Variants in TUT7 observed in about 807,000 individuals in gnomAD.
TUT7 encodes terminal uridylyl transferase 7, also known as terminal uridylyltransferase 7.
A neutral mutation model predicts 165.9 loss-of-function variants in TUT7; 33 were observed. That is an observed-to-expected ratio of 0.20 (90% CI 0.15 to 0.27). The LOEUF is 0.27. TUT7 is among the 10% of genes least tolerant of loss of function. The probability of loss-of-function intolerance (pLI) is 1.00; values close to 1 mark genes in which losing one functional copy is unlikely to be tolerated. For synonymous variants in TUT7, 552 were observed against 608.1 expected, an observed-to-expected ratio of 0.91 and a Z score of 1.36; for missense variants, 1,338 against 1,762.3, an observed-to-expected ratio of 0.76 and a Z score of 4.31.
In TUT7 at chr9:86,352,978, G is replaced by A; in HGVS notation, c.222C>T (p.Ser74=). ...TTGGGTTTTTAAATGCATATGGATT[G>A]CTGGAAACAGCACATGGTCCTTTTC... ...TPRKGPCAVS[S]NPYAFKNPIY... is the part of the protein sequence containing the mutation. The change falls in exon 2 of 27, where the codon AGC becomes AGT. Residue 74 remains serine, a synonymous_variant. Coordinates refer to ENST00000375963, the MANE Select transcript of TUT7 (RefSeq NM_024617.4). 1 of 1,614,180 alleles carries A rather than the reference G, an allele frequency of 6.2e-7. No homozygotes were observed. The highest frequency in any genetic ancestry group is 8.5e-7 in the Non-Finnish European group (1 of 1,180,034).
Position 86,311,570 on chromosome 9 carries a change from C to T in TUT7, c.3275-761G>A, listed in dbSNP as rs1459921819. 7.4e-6 allele frequency among the ~76,000 whole-genome samples: 1 copy of T among 135,674 alleles called. No homozygotes were observed. The highest frequency in any genetic ancestry group is 1.6e-5 in the Non-Finnish European group (1 of 62,266). 89.0% of individuals were successfully genotyped at this position (135,674 alleles called of 152,430 possible). On this transcript the variant is annotated intron_variant, in intron 17 of 26. Coordinates refer to ENST00000375963, the MANE Select transcript of TUT7 (RefSeq NM_024617.4). The surrounding 1 kb of genome is among the most constrained non-coding windows in gnomAD (Gnocchi z 4.4). Reference sequence around the variant, plus strand: ...TGCTAAGAATTATCCTTAGTCCTCTCCCTCTCCCTCTCCCCTCTTCCCTCT... The same window carrying T: ...TGCTAAGAATTATCCTTAGTCCTCTTCCTCTCCCTCTCCCCTCTTCCCTCT...
Position 86,354,276 on chromosome 9 carries a change from G to A in TUT7, c.-37C>T, listed in dbSNP as rs1296651018. On this transcript the variant is annotated 5_prime_UTR_variant, in exon 1 of 27. Coordinates refer to ENST00000375963, the MANE Select transcript of TUT7 (RefSeq NM_024617.4). ...GGGGGATGGAACCAACGTACCTCCG[G>A]GGCCAGGCCGGACAGCTACTCTGGA... The A allele has an allele frequency of 6.5e-6, 1 of 152,798 alleles. No homozygotes were observed. The highest frequency in any genetic ancestry group is 1.5e-5 in the Non-Finnish European group (1 of 68,176). The allele number at this position is 152,798 out of a possible 1,614,324, so 9.5% of individuals were successfully genotyped here. A position where few individuals can be genotyped will look rare whatever the true frequency, so the allele number is the denominator to read the frequency against.
At chr9:86,335,846 G>T (rs942728837) in intron 10 of TUT7, among the ~76,000 whole-genome samples, 3 of 152,182 alleles carry the variant, frequency 2.0e-5, no homozygotes, top group African/African-American at 7.2e-5. Context: ...TTTCAATCCA[G>T]TGTTTGATCA....
chr9:86,318,283 G>T (rs1428521616), intron 16 of TUT7, among the ~76,000 whole-genome samples: 2 of 152,160 alleles, frequency 1.3e-5, no homozygotes, highest in Non-Finnish European at 2.9e-5. Flanking sequence ...ACGCCATATG[G>T]TCTCTTACAA....
At chr9:86,322,760 A>C in intron 13 of TUT7, 113 bp downstream of exon 13, 1 of 1,263,214 alleles carries the variant, frequency 7.9e-7, no homozygotes, top group Non-Finnish European at 1.1e-6. Context: ...TGAAAGGCCA[A>C]CTTGTTCAAC....
At chr9:86,292,142 C>G (rs1335752302) in intron 26 of TUT7, among the ~76,000 whole-genome samples, 1 of 152,186 alleles carries the variant, frequency 6.6e-6, no homozygotes, top group African/African-American at 2.4e-5. Context: ...CTCCCGGGCT[C>G]AAGCCATCCT....
rs1440841711 is a variant in TUT7, at chr9:86,341,012, T to C, written c.1128A>G (p.Leu376=). The change falls in exon 7 of 27, where the codon TTA becomes TTG. Residue 376 remains leucine, a synonymous_variant. Transcript: ENST00000375963. ...PDVLLLVQEC[L]KNSDSFIDVD... ...GGAATTTGGCCTTACCACTGTTCTT[T>C]AAACATTCTTGAACAAGTAAGAGGA... 6.2e-7 allele frequency: 1 copy of C among 1,611,630 alleles called. No individual in the cohort carries two copies. The highest frequency in any genetic ancestry group is 1.7e-5 in the Admixed American group (1 of 59,956).
In TUT7 at chr9:86,346,286, AT is replaced by A; in HGVS notation, c.702+12del. On this transcript the variant is annotated intron_variant, in intron 3 of 26. Transcript: ENST00000375963. Reference sequence around the variant, plus strand: ...AGGATTCTAACCAACAAATATATATATAAGGATGTTACCCTTTTTAGCCTGT... The same window carrying A: ...AGGATTCTAACCAACAAATATATATAAAGGATGTTACCCTTTTTAGCCTGT... The A allele has an allele frequency of 6.2e-7, 1 of 1,610,324 alleles. No homozygotes were observed. The highest frequency in any genetic ancestry group is 8.5e-7 in the Non-Finnish European group (1 of 1,178,472).
chr9:86,302,206 G>A (rs1050784391), intron 25 of TUT7, among the ~76,000 whole-genome samples: 1 of 151,932 alleles, frequency 6.6e-6, no homozygotes, highest in African/African-American at 2.4e-5. Context: ...CCAAAACAAC[G>A]TATCCCAAGG....
At position 86,318,399 on chromosome 9, in the gene TUT7, G is replaced by T. The variant is rs1421687477; in HGVS notation, c.3216+559C>A. ...TTTATTTACAAAAACAGGCAGTGGG[G>T]GGCTGAATTGCCCAAGGGCCATCGT... On this transcript the variant is annotated intron_variant, in intron 16 of 26. Transcript: ENST00000375963. Among the ~76,000 whole-genome samples the T allele has an allele frequency of 2.0e-5, 3 of 152,140 alleles. No individual in the cohort carries two copies. In the East Asian group the frequency reaches 5.8e-4, roughly 29 times the overall value.
At chr9:86,316,840 T>C (rs1170458984) in intron 17 of TUT7, among the ~76,000 whole-genome samples, 4 of 152,144 alleles carry the variant, frequency 2.6e-5, no homozygotes, top group Non-Finnish European at 4.4e-5. Context: ...TGCATCCCCA[T>C]ATCCAATCAA....
rs184650683 is a variant in TUT7, at chr9:86,291,521, G to A, written c.4421-2777C>T. Among the ~76,000 whole-genome samples, 538 of 147,736 alleles carry A rather than the reference G, an allele frequency of 3.6e-3. 2 individuals carry two copies. The highest frequency in any genetic ancestry group is 0.013 in the African/African-American group (517 of 40,024). On this transcript the variant is annotated intron_variant, in intron 26 of 26. Coordinates refer to ENST00000375963, the MANE Select transcript of TUT7 (RefSeq NM_024617.4). ...CAGGAGGCAGACGTTGTGGTGAGCC[G>A]AGATTGTGCCATTGCACTCCAGCCT...
chr9:86,299,638 G>A lies in TUT7; in HGVS notation c.4420+1638C>T, dbSNP rs980140290. Among the ~76,000 whole-genome samples the A allele has an allele frequency of 9.2e-5, 14 of 152,006 alleles. No homozygotes were observed. In the South Asian group the frequency reaches 2.3e-3, roughly 25 times the overall value. On this transcript the variant is annotated intron_variant, in intron 26 of 26. Transcript: ENST00000375963. Reference sequence around the variant, plus strand: ...ATGCTTGATAATTCCCCTGCCACCCGGACTACCCGCCCCGCATCTTTTTGA... The same window carrying A: ...ATGCTTGATAATTCCCCTGCCACCCAGACTACCCGCCCCGCATCTTTTTGA...
intron 9 of TUT7, among the ~76,000 whole-genome samples, chr9:86,338,309 T>C (rs1446129074): frequency 6.6e-6 from 1 of 151,864 alleles, no homozygotes; most frequent in East Asian, 1.9e-4. Context: ...CCTCCCAGGT[T>C]CAAGCGACAG....
chr9:86,340,031 G>T lies in TUT7; in HGVS notation c.1208+5C>A, dbSNP rs762289624. 3.1e-6 allele frequency: 5 copies of T among 1,612,484 alleles called. No individual in the cohort carries two copies. Among genetic ancestry groups the T allele is most frequent in the Admixed American group, 1.7e-5 (1 of 59,992 alleles). On this transcript the variant is annotated splice_donor_5th_base_variant and intron_variant, in intron 8 of 26. Coordinates refer to ENST00000375963, the MANE Select transcript of TUT7 (RefSeq NM_024617.4). ...TAGTAAATAAACAGTTTAAAGAAAT[G>T]AGACCTTTGCTTTTCTCTGCACACC...
chr9:86,326,195 A>C (rs1051869796), intron 11 of TUT7, among the ~76,000 whole-genome samples: 31 of 152,242 alleles, frequency 2.0e-4, no homozygotes, highest in Admixed American at 2.0e-3. Context: ...TAGCTTCTTC[A>C]TTCTCAGACT....
At chr9:86,345,273 CTG>C in intron 4 of TUT7, 119 bp from the exon 5 acceptor site, 7 of 948,252 alleles carry the variant, frequency 7.4e-6, no homozygotes, top group East Asian at 2.7e-5. Context: ...CTCATTTTAG[CTG>C]TGTTAGTTTT....
intron 17 of TUT7, among the ~76,000 whole-genome samples, chr9:86,314,877 C>G (rs1325692153): frequency 6.6e-6 from 1 of 152,196 alleles, no homozygotes; most frequent in Non-Finnish European, 1.5e-5. Flanking sequence ...CCCACAGTCT[C>G]ACATTCACAT....
At chr9:86,292,772 C>T (rs1225678707) in intron 26 of TUT7, among the ~76,000 whole-genome samples, 3 of 151,604 alleles carry the variant, frequency 2.0e-5, no homozygotes, top group Non-Finnish European at 2.9e-5. Context: ...AAACCCTTCT[C>T]TCTAAAAGAA....
Sources: gnomAD v4.1 joint callset for allele counts (sites outside exome capture counted in the v4.1 genomes callset) on GRCh38, gnomAD v4.1.1 for gene constraint, Gnocchi (gnomAD v3.1) non-coding constraint, MANE v1.5 for transcripts, NCBI Gene and HGNC (gene_info 2026-07-23, HGNC 2026-07-21) for gene names.